BACH2: variants seen among roughly 807,000 people sequenced by gnomAD.
BACH2 encodes transcription regulator protein BACH2.
A neutral mutation model predicts 61.8 loss-of-function variants in BACH2; 5 were observed. The observed-to-expected ratio is 0.08, with a 90% confidence interval of 0.04 to 0.17. BACH2 has a LOEUF of 0.17. Among genes scored for constraint, BACH2 ranks in the 10% least tolerant of loss-of-function variants. The pLI is 1.00. For missense variants in BACH2, 824 were observed against 1,091.1 expected, an observed-to-expected ratio of 0.76 and a Z score of 3.45; for synonymous variants, 446 against 440.1, an observed-to-expected ratio of 1.01 and a Z score of -0.17.
At chr6:90,045,465 A>G (rs994452530) in intron 5 of BACH2, among the ~76,000 whole-genome samples, 3 of 152,198 alleles carry the variant, frequency 2.0e-5, no homozygotes, top group Non-Finnish European at 4.4e-5. Flanking sequence ...AGGTGGGGGG[A>G]AGATCACAAA....
chr6:90,036,487 C>T (rs1389810982), intron 5 of BACH2, among the ~76,000 whole-genome samples: 1 of 152,112 alleles, frequency 6.6e-6, no homozygotes, highest in African/African-American at 2.4e-5. Flanking sequence ...TGAACAATTT[C>T]AAATTTACAG....
At chr6:89,976,177 T>C (rs1455850816) in intron 6 of BACH2, among the ~76,000 whole-genome samples, 4 of 152,238 alleles carry the variant, frequency 2.6e-5, no homozygotes, top group Non-Finnish European at 5.9e-5. Context: ...ATAACATTAC[T>C]GTGTCACAAG....
chr6:90,112,024 T>C (rs186611568), intron 4 of BACH2, among the ~76,000 whole-genome samples: 18 of 152,344 alleles, frequency 1.2e-4, no homozygotes, highest in Non-Finnish European at 2.5e-4. Context: ...TAATTCTCCG[T>C]CACTAGTACA....
chr6:90,279,959 T>A (rs905622741), intron 1 of BACH2, among the ~76,000 whole-genome samples: 1 of 152,168 alleles, frequency 6.6e-6, no homozygotes, highest in African/African-American at 2.4e-5. Context: ...AAAAAGTAAA[T>A]GAGCTTGTTA....
chr6:89,950,001 A>G lies in BACH2; in HGVS notation c.1836+269T>C, dbSNP rs1773979868. Reference sequence around the variant, plus strand: ...AGTGCCTCAGTGTACTTCATGCATTAGACTTCAGTATATTTTTACTCAGCA... The same window carrying G: ...AGTGCCTCAGTGTACTTCATGCATTGGACTTCAGTATATTTTTACTCAGCA... On this transcript the variant is annotated intron_variant, in intron 7 of 8. Transcript: ENST00000257749. The surrounding 1 kb of genome is among the most constrained non-coding windows in gnomAD (Gnocchi z 5.3). The G allele has an allele frequency of 2.0e-5, 10 of 502,250 alleles. No individual in the cohort carries two copies. Among genetic ancestry groups the G allele is most frequent in the Middle Eastern group, 1.1e-3 (2 of 1,840 alleles). 31.1% of individuals were successfully genotyped at this position (502,250 alleles called of 1,614,324 possible).
intron 1 of BACH2, among the ~76,000 whole-genome samples, chr6:90,293,157 G>A (rs1225448664): frequency 1.3e-5 from 2 of 152,212 alleles, no homozygotes; most frequent in Non-Finnish European, 2.9e-5. Context: ...CTATGTAACT[G>A]CACAGGTCTT....
chr6:90,186,889 C>A (rs904704676), intron 4 of BACH2, among the ~76,000 whole-genome samples: 1 of 152,176 alleles, frequency 6.6e-6, no homozygotes, highest in Non-Finnish European at 1.5e-5. Context: ...GGAATTTGAA[C>A]CCAGGTCTGA....
At chr6:90,053,048 T>A (rs1780133936) in intron 5 of BACH2, among the ~76,000 whole-genome samples, 1 of 152,206 alleles carries the variant, frequency 6.6e-6, no homozygotes, top group Admixed American at 6.5e-5. Flanking sequence ...TCTTTTCTTT[T>A]AGCAGTTACC....
intron 1 of BACH2, among the ~76,000 whole-genome samples, chr6:90,274,275 ACAT>A (rs1038954166): frequency 1.3e-5 from 2 of 152,220 alleles, no homozygotes; most frequent in Non-Finnish European, 2.9e-5. Context: ...TCTAACTCTT[ACAT>A]AATATTAAGA....
At chr6:90,292,066 G>T (rs183743213) in intron 1 of BACH2, among the ~76,000 whole-genome samples, 1 of 152,272 alleles carries the variant, frequency 6.6e-6, no homozygotes, top group African/African-American at 2.4e-5. Context: ...CTATGTGAGG[G>T]CAGGGACCAT....
chr6:89,951,667 C>T lies in BACH2; in HGVS notation c.439G>A (p.Ala147Thr), dbSNP rs769519112. The change falls in exon 7 of 9, where the codon GCT becomes ACT. Residue 147 changes from alanine to threonine, a missense_variant. By Grantham distance (58) the Ala-to-Thr change is moderately conservative. Around this residue, in one of 8 missense-constraint regions of BACH2, gnomAD observed 107 missense variants for 121.7 expected, o/e 0.88. Coordinates refer to ENST00000257749, the MANE Select transcript of BACH2 (RefSeq NM_021813.4). This position sits in a 1 kb window ranked among gnomAD's most constrained non-coding sequence, Gnocchi z 6.4. The stretch of plus-strand genomic sequence containing the variant: ...TCCTCGTGTGGGCGCTGGCACGCAG[C>T]ATCCTTCCGGCACACAAACAGGCCA... ...EDGLFVCRKD[A>T]ACQRPHEDCE... 3 of 1,614,240 alleles carry T rather than the reference C, an allele frequency of 1.9e-6. No homozygotes were observed. The highest frequency in any genetic ancestry group is 2.5e-6 in the Non-Finnish European group (3 of 1,180,036).
intron 5 of BACH2, among the ~76,000 whole-genome samples, chr6:90,018,590 G>C (rs1778194087): frequency 6.6e-6 from 1 of 152,102 alleles, no homozygotes; most frequent in South Asian, 2.1e-4. Flanking sequence ...AAAGCCATAG[G>C]TTTATTTTTT....
chr6:90,078,639 T>C (rs1302692037), intron 5 of BACH2, among the ~76,000 whole-genome samples: 1 of 152,126 alleles, frequency 6.6e-6, no homozygotes. Flanking sequence ...AACACCAACA[T>C]CATTTTGTGG....
chr6:89,988,261 C>T (rs1259824243), intron 6 of BACH2, among the ~76,000 whole-genome samples: 1 of 152,194 alleles, frequency 6.6e-6, no homozygotes, highest in Non-Finnish European at 1.5e-5. Flanking sequence ...AATTTCATCA[C>T]ATTTATACAG....
chr6:90,215,597 G>A (rs1488937848), intron 3 of BACH2, among the ~76,000 whole-genome samples: 1 of 152,070 alleles, frequency 6.6e-6, no homozygotes, highest in African/African-American at 2.4e-5. Flanking sequence ...TGGGGTGGGT[G>A]GTCAGAAGTA....
chr6:90,198,922 T>C (rs1296662347), intron 4 of BACH2, among the ~76,000 whole-genome samples: 2 of 152,192 alleles, frequency 1.3e-5, no homozygotes, highest in Non-Finnish European at 2.9e-5. Context: ...CATGCTGTTC[T>C]TGTGACGGTG....
At chr6:90,242,521 G>A (rs962346819) in intron 3 of BACH2, among the ~76,000 whole-genome samples, 1 of 152,142 alleles carries the variant, frequency 6.6e-6, no homozygotes, top group African/African-American at 2.4e-5. Flanking sequence ...GTTTTTGACA[G>A]TTATAAATAA....
At chr6:90,071,822 C>G (rs1045297951) in intron 5 of BACH2, among the ~76,000 whole-genome samples, 4 of 152,154 alleles carry the variant, frequency 2.6e-5, no homozygotes, top group Non-Finnish European at 4.4e-5. Context: ...GTATTATATA[C>G]CTGCAATAAA....
rs1767807050 is a variant in BACH2 at position 90,171,358 on chromosome 6, A to T, written c.-162+35211T>A. Among the ~76,000 whole-genome samples the T allele has an allele frequency of 2.0e-5, 3 of 151,970 alleles. 1 individual carries two copies. Among genetic ancestry groups the T allele is most frequent in the Admixed American group, 2.0e-4 (3 of 15,272 alleles). ...AACCCAGGAGGTGGAGGTTGCAGCG[A>T]GCTGAAATCTCACCACTGCACTCCA... is the stretch of plus-strand genomic sequence containing the variant. On this transcript the variant is annotated intron_variant, in intron 4 of 8. Transcript: ENST00000257749.
Sources: allele counts gnomAD v4.1 joint callset (sites outside exome capture counted in the v4.1 genomes callset), GRCh38; gene constraint gnomAD v4.1.1; regional missense constraint gnomAD v4.1.1; non-coding constraint Gnocchi (gnomAD v3.1); transcripts MANE v1.5; gene names NCBI Gene and HGNC (gene_info 2026-07-23, HGNC 2026-07-21).